Variants in TGFBI observed in about 807,000 individuals in gnomAD.
TGFBI encodes the protein transforming growth factor-beta-induced protein ig-h3.
In TGFBI, 50 loss-of-function variants were observed where a neutral mutation model predicts 73.7. That is an observed-to-expected ratio of 0.68 (90% CI 0.54 to 0.86). The LOEUF (loss-of-function observed/expected upper bound fraction) is 0.86, where lower values mean the gene tolerates loss of function less well. Among genes scored for constraint, TGFBI ranks in the 40% least tolerant of loss-of-function variants. The pLI, the probability that TGFBI is intolerant of heterozygous loss-of-function variation, is 0.00. For missense variants in TGFBI, 839 were observed against 877.0 expected, an observed-to-expected ratio of 0.96 and a Z score of 0.55; for synonymous variants, 362 against 360.5, an observed-to-expected ratio of 1.00 and a Z score of -0.05.
chr5:136,046,233 C>T, intron 3 of TGFBI, 102 bp from the exon 4 acceptor site: 5 of 1,422,682 alleles, frequency 3.5e-6, no homozygotes, highest in Non-Finnish European at 4.8e-6. Flanking sequence ...CCTCCTCGTC[C>T]TCTCCACCTG....
chr5:136,055,730 G>A lies in TGFBI; in HGVS notation c.1461G>A (p.Arg487=). The change falls in exon 11 of 17, where the codon AGG becomes AGA. Residue 487 remains arginine (R), a synonymous_variant. Coordinates refer to ENST00000442011, the MANE Select transcript of TGFBI (RefSeq NM_000358.3). ...TCGCGGCCCACGACAAGAGGGGGAG[G>A]TACGGGACCCTGTTCACGATGGACC... ...SCIAAHDKRG[R]YGTLFTMDRV... is the part of the protein sequence containing the mutation. 1.2e-6 allele frequency: 2 copies of A among 1,612,340 alleles called. No homozygotes were observed. The highest frequency in any genetic ancestry group is 1.7e-6 in the Non-Finnish European group (2 of 1,178,702).
At chr5:136,048,666 C>T (rs1027844022) in intron 6 of TGFBI, 1 of 152,186 alleles carries the variant, frequency 6.6e-6, no homozygotes, top group African/African-American at 2.4e-5. Context: ...TGATCTGCAG[C>T]CTAAAGGATG....
intron 2 of TGFBI, among the ~76,000 whole-genome samples, chr5:136,038,513 G>A (rs1219889217): frequency 3.3e-5 from 5 of 151,852 alleles, no homozygotes; most frequent in Non-Finnish European, 2.9e-5. Flanking sequence ...ACAGGAGTTG[G>A]AGACCAGCCT....
chr5:136,054,669 T>C (rs759663683), intron 9 of TGFBI, 47 bp from the exon 10 acceptor site: 1 of 1,612,804 alleles, frequency 6.2e-7, no homozygotes, highest in Non-Finnish European at 8.5e-7. Flanking sequence ...ACTCTCTTCA[T>C]TGCAGGAGCA....
intron 12 of TGFBI, among the ~76,000 whole-genome samples, chr5:136,058,281 G>A (rs1735119624): frequency 6.6e-6 from 1 of 152,168 alleles, no homozygotes; most frequent in African/African-American, 2.4e-5. Context: ...TCCCTTCTCA[G>A]TTTCAAGATG....
At position 136,062,761 on chromosome 5, in the gene TGFBI, T is replaced by C. The variant is rs148829865; in HGVS notation, c.2011+74T>C. 3,650 of 1,461,884 alleles carry C rather than the reference T, an allele frequency of 2.5e-3. 8 individuals carry two copies. Among genetic ancestry groups the C allele is most frequent in the Non-Finnish European group, 3.0e-3 (3,189 of 1,066,512 alleles). 90.6% of individuals were successfully genotyped at this position (1,461,884 alleles called of 1,614,324 possible). On this transcript the variant is annotated intron_variant, in intron 16 of 16. Transcript: ENST00000442011. ...CCCCCAAGCAAGCCCAAGCCTGCCA[T>C]CTGCTGTATATAGATAAGAACATCA...
chr5:136,046,746 G>A, intron 4 of TGFBI, 105 bp from the exon 5 acceptor site: 1 of 1,417,852 alleles, frequency 7.1e-7, no homozygotes, highest in Non-Finnish European at 9.5e-7. Context: ...CAGAAGAGAG[G>A]CCTGGGCTCA....
At position 136,046,945 on chromosome 5, in the gene TGFBI, T is replaced by G; in HGVS notation, c.554T>G (p.Leu185Arg). Residue 185 changes from leucine (L) to arginine (R), a missense_variant, in exon 5 of 17, where the codon CTG (leucine) becomes CGG (arginine). Transcript: ENST00000442011. The part of the protein sequence containing the change: ...MVGRRVLTDE[L>R]KHGMTLTSMY... ...GGCAGGCGAGTCCTGACTGATGAGC[T>G]GAAACACGGCATGACCCTCACCTCT... 1 of 1,613,820 alleles carries G rather than the reference T, an allele frequency of 6.2e-7. No homozygotes were observed. Among genetic ancestry groups the G allele is most frequent in the Non-Finnish European group, 8.5e-7 (1 of 1,179,870 alleles).
chr5:136,045,214 G>C (rs912614359), intron 3 of TGFBI, among the ~76,000 whole-genome samples: 1 of 152,026 alleles, frequency 6.6e-6, no homozygotes, highest in African/African-American at 2.4e-5. Flanking sequence ...GAGACCAGCA[G>C]CCCGTGCAAC....
intron 1 of TGFBI, among the ~76,000 whole-genome samples, chr5:136,032,979 G>C (rs991585433): frequency 1.3e-5 from 2 of 152,086 alleles, no homozygotes; most frequent in Non-Finnish European, 2.9e-5. Flanking sequence ...TGGGTAGTTT[G>C]GGGAGCAGTA....
rs1751363793 is a variant in TGFBI, at chr5:136,042,885, T to C, written c.234-1173T>C. 2.0e-5 allele frequency among the ~76,000 whole-genome samples: 3 copies of C among 152,154 alleles called. No individual in the cohort carries two copies. In the South Asian group the frequency reaches 6.2e-4, roughly 32 times the overall value. On this transcript the variant is annotated intron_variant, in intron 2 of 16. Transcript: ENST00000442011. The stretch of plus-strand genomic sequence containing the variant: ...CCATTTAAATGAACAAGAGCAGGAT[T>C]TCCTGGGCACACTGAGAGCACCTTC...
intron 7 of TGFBI, among the ~76,000 whole-genome samples, chr5:136,052,009 G>C (rs1307403854): frequency 6.6e-6 from 1 of 152,196 alleles, no homozygotes; most frequent in Non-Finnish European, 1.5e-5. Context: ...TGAGAATATG[G>C]GACATAGAGC....
chr5:136,054,766 A>G lies in TGFBI; in HGVS notation c.1315A>G (p.Ile439Val), dbSNP rs761720461. 4.3e-6 allele frequency: 7 copies of G among 1,613,994 alleles called. No homozygotes were observed. Among genetic ancestry groups the G allele is most frequent in the Middle Eastern group, 1.6e-4 (1 of 6,062 alleles). ...AHTRNLLRNH[I>V]IKDQLASKYL... ...TACAAGGAATTTGCTTCGGAACCAC[A>G]TAATTAAAGACCAGCTGGCCTCTAA... The change falls in exon 10 of 17, where the codon ATA becomes GTA. Residue 439 changes from isoleucine to valine, a missense_variant. Coordinates refer to ENST00000442011, the MANE Select transcript of TGFBI (RefSeq NM_000358.3).
At chr5:136,060,068 T>A (rs1040459455) in intron 13 of TGFBI, among the ~76,000 whole-genome samples, 4 of 152,094 alleles carry the variant, frequency 2.6e-5, no homozygotes, top group African/African-American at 7.2e-5. Context: ...TATGAGAAAA[T>A]CTTAAGTGAG....
At chr5:136,049,643 C>T in intron 7 of TGFBI, 63 bp downstream of exon 7, 1 of 1,553,870 alleles carries the variant, frequency 6.4e-7, no homozygotes, top group African/African-American at 1.4e-5. Flanking sequence ...CCAAGACCTG[C>T]TCTGGTCCAA....
At chr5:136,053,860 A>G (rs937448927) in intron 8 of TGFBI, 83 bp from the exon 9 acceptor site, 1 of 1,582,148 alleles carries the variant, frequency 6.3e-7, no homozygotes, top group African/African-American at 1.3e-5. Flanking sequence ...ATTCCTGCTG[A>G]TGTGTGTCAT....
intron 2 of TGFBI, among the ~76,000 whole-genome samples, chr5:136,042,940 T>C (rs542914388): frequency 1.3e-5 from 2 of 152,296 alleles, no homozygotes; most frequent in African/African-American, 4.8e-5. Flanking sequence ...CTAAAGCCTG[T>C]ATTTCTTCCA....
chr5:136,046,607 C>T, intron 4 of TGFBI, 112 bp downstream of exon 4: 2 of 1,375,888 alleles, frequency 1.5e-6, no homozygotes, highest in Non-Finnish European at 9.7e-7. Context: ...TTTCAGGAAG[C>T]TTTCTCCTTA....
rs751785771 is a variant in TGFBI at position 136,053,117 on chromosome 5, C to A, written c.1124C>A (p.Ser375Ter). The change falls in exon 8 of 17, where the codon TCA becomes TAA. Residue 375 changes from serine (S) to a stop codon, truncating the protein, a stop_gained and splice_region_variant. Transcript: ENST00000442011. LOFTEE classifies it high-confidence loss of function. ...ATTGATGAGCTACTCATCCCAGACT[C>A]AGGTAGGCCAGGCCTCCGGGGGCCT... is the stretch of plus-strand genomic sequence containing the variant. ...HYIDELLIPD[S>*]AKTLFELAAE... 1 of 1,613,736 alleles carries A rather than the reference C, an allele frequency of 6.2e-7. No homozygotes were observed. Among genetic ancestry groups the A allele is most frequent in the Non-Finnish European group, 8.5e-7 (1 of 1,179,764 alleles).
Sources: allele counts gnomAD v4.1 joint callset (sites outside exome capture counted in the v4.1 genomes callset), GRCh38; gene constraint gnomAD v4.1.1; transcripts MANE v1.5; gene names NCBI Gene and HGNC (gene_info 2026-07-23, HGNC 2026-07-21).